DPP6: variants seen among roughly 807,000 people sequenced by gnomAD.
The protein encoded by DPP6 is dipeptidyl peptidase like 6.
DPP6 carries 69 observed loss-of-function variants against 122.6 expected under a neutral mutation model. The observed-to-expected ratio is 0.56, with a 90% CI of 0.46 to 0.69. The LOEUF is 0.69. Among genes scored for constraint, DPP6 ranks in the 30% least tolerant of loss-of-function variants. DPP6 has a pLI of 0.00. For missense variants in DPP6, 928 were observed against 1,116.9 expected, an observed-to-expected ratio of 0.83 and a Z score of 2.41; for synonymous variants, 418 against 433.1, an observed-to-expected ratio of 0.97 and a Z score of 0.43.
chr7:154,361,725 G>A (rs759523647), intron 1 of DPP6, among the ~76,000 whole-genome samples: 1 of 151,608 alleles, frequency 6.6e-6, no homozygotes. Flanking sequence ...CATTGTTAAT[G>A]TATTGCCCAT....
chr7:154,574,918 ATGTGTTTGGTGTATGTGTGTTGTG>A (rs1336466807), intron 5 of DPP6, among the ~76,000 whole-genome samples: 3 of 85,488 alleles, frequency 3.5e-5, no homozygotes, highest in Non-Finnish European at 6.6e-5. Context: ...GCGTGTGTGT[ATGTGTTTGGTGTATGTGTGTTGTG>A]TGTGTGTGAT....
chr7:153,862,270 G>A, the DPP6 span, among the ~76,000 whole-genome samples: 2 of 152,190 alleles, frequency 1.3e-5, no homozygotes, highest in Non-Finnish European at 2.9e-5. Context: ...CTCTGTTCCC[G>A]TTAATACCTC....
At chr7:154,231,804 TC>T in intron 1 of DPP6, among the ~76,000 whole-genome samples, 1 of 152,294 alleles carries the variant, frequency 6.6e-6, no homozygotes, top group East Asian at 1.9e-4. Context: ...ACTGCGGGCT[TC>T]CCCCACGTGC....
chr7:153,806,953 T>C, the DPP6 span, among the ~76,000 whole-genome samples: 2 of 152,040 alleles, frequency 1.3e-5, no homozygotes, highest in Admixed American at 1.3e-4. Context: ...TTAAATATGA[T>C]TTAACTGAAG....
At chr7:154,325,682 C>A (rs1050328995) in intron 1 of DPP6, among the ~76,000 whole-genome samples, 3 of 152,132 alleles carry the variant, frequency 2.0e-5, no homozygotes, top group African/African-American at 7.2e-5. Context: ...TCATTAGAAA[C>A]TAAAGATTTG....
chr7:154,373,108 T>G (rs555642655), intron 1 of DPP6, among the ~76,000 whole-genome samples: 1 of 152,176 alleles, frequency 6.6e-6, no homozygotes, highest in African/African-American at 2.4e-5. Flanking sequence ...TTCTTTCATT[T>G]AAAAAAAATT....
chr7:154,329,159 T>C (rs1008879805), intron 1 of DPP6, among the ~76,000 whole-genome samples: 4 of 152,226 alleles, frequency 2.6e-5, no homozygotes, highest in African/African-American at 9.6e-5. Flanking sequence ...AAATATTCCC[T>C]ATGAAAGCTC....
intron 1 of DPP6, among the ~76,000 whole-genome samples, chr7:154,109,517 C>G (rs2150582675): frequency 6.6e-6 from 1 of 152,152 alleles, no homozygotes; most frequent in East Asian, 1.9e-4. Flanking sequence ...GTCTGGAACT[C>G]CTGACCTCAA....
At chr7:153,885,932 C>A (rs1197299169), upstream of DPP6, among the ~76,000 whole-genome samples, 4 of 152,154 alleles carry the variant, frequency 2.6e-5, no homozygotes, top group Admixed American at 6.5e-5. Flanking sequence ...GGATAACTTA[C>A]ATGTAATTAC....
intron 18 of DPP6, among the ~76,000 whole-genome samples, chr7:154,872,355 C>T (rs960479799): frequency 1.3e-5 from 2 of 152,218 alleles, no homozygotes; most frequent in Non-Finnish European, 2.9e-5. Context: ...CCCGGGCCAT[C>T]GAGTCTTCCG....
intron 8 of DPP6, among the ~76,000 whole-genome samples, chr7:154,729,800 C>G (rs1023855534): frequency 2.6e-5 from 4 of 152,212 alleles, no homozygotes; most frequent in Non-Finnish European, 5.9e-5. Flanking sequence ...AGTCCAGTTT[C>G]CTTCTGAGCC....
intron 1 of DPP6, among the ~76,000 whole-genome samples, chr7:154,413,513 C>A (rs113865218): frequency 6.6e-6 from 1 of 152,042 alleles, no homozygotes; most frequent in African/African-American, 2.4e-5. Context: ...TTTTCTAGAG[C>A]GAATATATAG....
intron 1 of DPP6, chr7:154,057,767 C>G (rs1475466197): frequency 6.6e-6 from 1 of 150,470 alleles, no homozygotes; most frequent in East Asian, 1.9e-4. Context: ...TTCTGGCAGC[C>G]CCAGCCCTGG....
At chr7:153,864,349 AC>A in the DPP6 span, among the ~76,000 whole-genome samples, 1 of 152,136 alleles carries the variant, frequency 6.6e-6, no homozygotes, top group South Asian at 2.1e-4. Context: ...AGTCAAACTT[AC>A]GTTTTAAAAA....
At chr7:153,997,349 T>A (rs1797490480) in intron 1 of DPP6, among the ~76,000 whole-genome samples, 1 of 152,172 alleles carries the variant, frequency 6.6e-6, no homozygotes, top group South Asian at 2.1e-4. Context: ...GGAACCTTGT[T>A]ACGCTATTTT....
chr7:153,921,537 C>T (rs1167028437), intron 1 of DPP6, among the ~76,000 whole-genome samples: 1 of 152,160 alleles, frequency 6.6e-6, no homozygotes. Context: ...AAGGCTGACA[C>T]CGTTTGATCC....
At chr7:154,085,004 A>AC (rs1419436569) in intron 1 of DPP6, among the ~76,000 whole-genome samples, 18 of 151,756 alleles carry the variant, frequency 1.2e-4, no homozygotes, top group African/African-American at 2.9e-4. Context: ...AAAAAAAAAA[A>AC]AAAAAAACAG....
At chr7:153,773,328 A>AT in the DPP6 span, among the ~76,000 whole-genome samples, 16,795 of 67,992 alleles carry the variant, frequency 0.25, 1,168 homozygotes, top group South Asian at 0.31. Flanking sequence ...ATATATATAT[A>AT]TATTTTTTTT....
chr7:154,518,538 A>G (rs1165800526), intron 3 of DPP6, among the ~76,000 whole-genome samples: 2 of 152,156 alleles, frequency 1.3e-5, no homozygotes, highest in Non-Finnish European at 2.9e-5. Context: ...TGCACTGCCA[A>G]GTGTCCTAGT....
Sources: gnomAD v4.1 joint callset for allele counts (sites outside exome capture counted in the v4.1 genomes callset) on GRCh38, gnomAD v4.1.1 for gene constraint, MANE v1.5 for transcripts, NCBI Gene and HGNC (gene_info 2026-07-23, HGNC 2026-07-21) for gene names.